NFIB: variants seen among roughly 807,000 people sequenced by gnomAD.
The protein encoded by NFIB is nuclear factor I B.
A neutral mutation model predicts 61.5 loss-of-function variants in NFIB; 11 were observed. The ratio of observed to expected loss-of-function variants is 0.18; its 90% CI spans 0.11 to 0.30. The LOEUF is 0.30. Ranked by LOEUF, NFIB falls within the 10% of genes least tolerant of loss-of-function variation. The pLI is 1.00. For missense variants in NFIB, 471 were observed against 608.9 expected, an observed-to-expected ratio of 0.77 and a Z score of 2.38; for synonymous variants, 260 against 216.5, an observed-to-expected ratio of 1.20 and a Z score of -1.76.
chr9:14,434,565 C>A, the NFIB span, among the ~76,000 whole-genome samples: 1 of 152,140 alleles, frequency 6.6e-6, no homozygotes, highest in Admixed American at 6.5e-5. Flanking sequence ...GAAAGGATCC[C>A]TTTCAAACTC....
intron 1 of NFIB, among the ~76,000 whole-genome samples, chr9:14,394,014 G>A (rs2061654129): frequency 6.6e-6 from 1 of 152,134 alleles, no homozygotes; most frequent in Non-Finnish European, 1.5e-5. Context: ...TTTGTTATCT[G>A]TCCATCCACC....
intron 10 of NFIB, among the ~76,000 whole-genome samples, chr9:14,103,490 G>A (rs1335643570): frequency 6.6e-6 from 1 of 152,006 alleles, no homozygotes; most frequent in African/African-American, 2.4e-5. Flanking sequence ...ATTTCCAGAT[G>A]ATGACTGGAA....
At chr9:14,282,368 T>A (rs778986410) in intron 2 of NFIB, among the ~76,000 whole-genome samples, 1 of 152,150 alleles carries the variant, frequency 6.6e-6, no homozygotes, top group African/African-American at 2.4e-5. Context: ...TGTTCTCAGA[T>A]AAAAAATCGT....
the NFIB span, among the ~76,000 whole-genome samples, chr9:14,513,164 TTC>T: frequency 1.4e-3 from 215 of 152,274 alleles, 2 homozygotes; most frequent in African/African-American, 5.0e-3. Flanking sequence ...TTCGTTTGTT[TTC>T]TCTTTTTTCT....
the NFIB span, among the ~76,000 whole-genome samples, chr9:14,423,442 A>G: frequency 6.6e-6 from 1 of 152,234 alleles, no homozygotes; most frequent in Non-Finnish European, 1.5e-5. Context: ...TTCAGCCCAC[A>G]TGTGGCTGCA....
intron 1 of NFIB, among the ~76,000 whole-genome samples, chr9:14,368,963 T>C (rs533834001): frequency 6.6e-6 from 1 of 152,160 alleles, no homozygotes; most frequent in Non-Finnish European, 1.5e-5. Context: ...GAACCAAGAA[T>C]AGAAAGTGAT....
chr9:14,103,733 C>G (rs184061968), intron 10 of NFIB, among the ~76,000 whole-genome samples: 150 of 152,020 alleles, frequency 9.9e-4, no homozygotes, highest in Non-Finnish European at 4.7e-4. Context: ...AATTTCCAAA[C>G]CACGTGTTTT....
At chr9:14,256,467 A>G (rs975422532) in intron 2 of NFIB, among the ~76,000 whole-genome samples, 2 of 152,216 alleles carry the variant, frequency 1.3e-5, no homozygotes, top group Non-Finnish European at 2.9e-5. Context: ...AAGAAAACAT[A>G]TAAGTAGGAT....
intron 1 of NFIB, among the ~76,000 whole-genome samples, chr9:14,386,486 C>T: frequency 6.6e-6 from 1 of 152,150 alleles, no homozygotes; most frequent in Admixed American, 6.5e-5. Context: ...CGCTACAGGA[C>T]CCAAGAATTG....
intron 2 of NFIB, among the ~76,000 whole-genome samples, chr9:14,251,258 G>A (rs2132132979): frequency 6.6e-6 from 1 of 152,250 alleles, no homozygotes; most frequent in Non-Finnish European, 1.5e-5. Flanking sequence ...GCTTTCATCT[G>A]ATTGCATACC....
At chr9:14,305,751 G>C (rs2059985091) in intron 2 of NFIB, 1 of 272,990 alleles carries the variant, frequency 3.7e-6, no homozygotes, top group East Asian at 5.8e-5. Flanking sequence ...AAGTAATTTT[G>C]ATTTTTTTGA....
chr9:14,276,552 T>C (rs1231860329), intron 2 of NFIB, among the ~76,000 whole-genome samples: 2 of 152,172 alleles, frequency 1.3e-5, no homozygotes, highest in African/African-American at 4.8e-5. Context: ...ATCTGCGGAC[T>C]CAGGCTTCAG....
chr9:14,127,166 A>C (rs1231027153), intron 6 of NFIB, among the ~76,000 whole-genome samples: 3 of 152,200 alleles, frequency 2.0e-5, no homozygotes, highest in African/African-American at 4.8e-5. Flanking sequence ...ATTATTAAGC[A>C]ATGTAGACTG....
the NFIB span, among the ~76,000 whole-genome samples, chr9:14,474,168 C>A: frequency 1.3e-5 from 2 of 152,122 alleles, no homozygotes; most frequent in African/African-American, 2.4e-5. Context: ...AATAGAATAT[C>A]ATAAACTGGG....
At chr9:14,323,647 AG>A (rs1264235732) in intron 1 of NFIB, among the ~76,000 whole-genome samples, 10 of 152,222 alleles carry the variant, frequency 6.6e-5, no homozygotes, top group African/African-American at 2.4e-4. Flanking sequence ...CAGTGAGACT[AG>A]AATAGCTCCC....
At chr9:14,123,491 C>T (rs2130865862) in intron 7 of NFIB, among the ~76,000 whole-genome samples, 1 of 152,290 alleles carries the variant, frequency 6.6e-6, no homozygotes, top group Non-Finnish European at 1.5e-5. Flanking sequence ...AAAATTATTT[C>T]AGTGGCTTCC....
intron 2 of NFIB, among the ~76,000 whole-genome samples, chr9:14,276,529 C>A (rs545644717): frequency 6.6e-6 from 1 of 152,190 alleles, no homozygotes; most frequent in South Asian, 2.1e-4. Context: ...AAAGGTACAA[C>A]GCCAAAGGCA....
At chr9:14,213,273 T>C (rs2050501903) in intron 2 of NFIB, among the ~76,000 whole-genome samples, 1 of 152,150 alleles carries the variant, frequency 6.6e-6, no homozygotes, top group African/African-American at 2.4e-5. Context: ...TACTTATCTT[T>C]GGAAAGTTAC....
At chr9:14,506,792 G>C in the NFIB span, among the ~76,000 whole-genome samples, 15 of 152,172 alleles carry the variant, frequency 9.9e-5, no homozygotes, top group African/African-American at 3.6e-4. Flanking sequence ...TTGGCTGAAA[G>C]GGGAGAGCAG....
Sources: allele counts gnomAD v4.1 joint callset (sites outside exome capture counted in the v4.1 genomes callset), GRCh38; gene constraint gnomAD v4.1.1; transcripts MANE v1.5; gene names NCBI Gene and HGNC (gene_info 2026-07-23, HGNC 2026-07-21).